PAPPA2: variants seen among roughly 807,000 people sequenced by gnomAD.
The protein encoded by PAPPA2 is pappalysin 2.
PAPPA2 carries 86 observed loss-of-function variants against 176.4 expected under a neutral mutation model. That is an observed-to-expected ratio of 0.49 (90% CI 0.41 to 0.58). The LOEUF is 0.58. Among genes scored for constraint, PAPPA2 ranks in the 20% least tolerant of loss-of-function variants. The probability of loss-of-function intolerance (pLI) is 0.00; values close to 1 mark genes in which losing one functional copy is unlikely to be tolerated. For missense variants in PAPPA2, 2,073 were observed against 2,256.9 expected (o/e 0.92, Z 1.65); for synonymous variants, 809 against 852.2 (o/e 0.95, Z 0.88).
At chr1:176,535,387 G>T (rs78423760) in intron 1 of PAPPA2, among the ~76,000 whole-genome samples, 21,767 of 152,110 alleles carry the variant, frequency 0.14, 1,770 homozygotes, top group African/African-American at 0.2. Context: ...TTGTAAGAGC[G>T]GAATTCGACA....
chr1:176,606,053 A>G (rs1167750011), intron 3 of PAPPA2, among the ~76,000 whole-genome samples: 1 of 151,694 alleles, frequency 6.6e-6, no homozygotes, highest in Non-Finnish European at 1.5e-5. Context: ...TAGTAAAATT[A>G]TATATAATAT....
chr1:176,520,371 T>C (rs1649145690), intron 1 of PAPPA2, among the ~76,000 whole-genome samples: 1 of 152,210 alleles, frequency 6.6e-6, no homozygotes, highest in African/African-American at 2.4e-5. Flanking sequence ...TTTGGAAACC[T>C]GACTTACTGG....
At chr1:176,831,498 T>G (rs1422497458) in intron 21 of PAPPA2, among the ~76,000 whole-genome samples, 2 of 152,204 alleles carry the variant, frequency 1.3e-5, no homozygotes, top group Non-Finnish European at 2.9e-5. Context: ...CTGAACACTG[T>G]CTTTCCCATT....
At chr1:176,670,313 A>G (rs1658916568) in intron 3 of PAPPA2, among the ~76,000 whole-genome samples, 1 of 152,176 alleles carries the variant, frequency 6.6e-6, no homozygotes, top group African/African-American at 2.4e-5. Context: ...TTTCAAAGTC[A>G]CCAATAAACA....
chr1:176,799,906 G>C (rs1046734684), intron 20 of PAPPA2, among the ~76,000 whole-genome samples, 155 bp from the exon 21 acceptor site: 1 of 152,154 alleles, frequency 6.6e-6, no homozygotes, highest in Admixed American at 6.5e-5. Flanking sequence ...CACGGGAAAG[G>C]CTAGATAGCC....
intron 14 of PAPPA2, among the ~76,000 whole-genome samples, chr1:176,754,235 C>T (rs1281264326): frequency 6.6e-6 from 1 of 152,048 alleles, no homozygotes; most frequent in Non-Finnish European, 1.5e-5. Context: ...CAGGTGAAAC[C>T]AGCTTAGGAA....
At chr1:176,529,452 G>T (rs1649679728) in intron 1 of PAPPA2, among the ~76,000 whole-genome samples, 1 of 144,404 alleles carries the variant, frequency 6.9e-6, no homozygotes, top group Non-Finnish European at 1.5e-5. Context: ...TGATCTCCTG[G>T]CTGCCGATTT....
chr1:176,662,822 C>G (rs1411915756), intron 3 of PAPPA2, among the ~76,000 whole-genome samples: 1 of 152,042 alleles, frequency 6.6e-6, no homozygotes, highest in Non-Finnish European at 1.5e-5. Flanking sequence ...TTTTGGAAAT[C>G]TAATTTAGTA....
At chr1:176,562,970 T>A (rs986241320) in intron 2 of PAPPA2, among the ~76,000 whole-genome samples, 3 of 152,176 alleles carry the variant, frequency 2.0e-5, no homozygotes, top group African/African-American at 7.2e-5. Context: ...CCAGGGCCCT[T>A]CATGTGTGGT....
chr1:176,467,537 A>C (rs1651681607), intron 1 of PAPPA2, among the ~76,000 whole-genome samples: 1 of 152,208 alleles, frequency 6.6e-6, no homozygotes, highest in African/African-American at 2.4e-5. Context: ...TGGGGCAAGG[A>C]AGAGAGTCTT....
At chr1:176,533,093 C>T (rs903410448) in intron 1 of PAPPA2, among the ~76,000 whole-genome samples, 10 of 152,192 alleles carry the variant, frequency 6.6e-5, no homozygotes, top group Admixed American at 2.6e-4. Context: ...CCTGTCAAAG[C>T]TTTGGTTTTC....
At chr1:176,790,809 C>T (rs894350596) in intron 18 of PAPPA2, among the ~76,000 whole-genome samples, 10 of 152,290 alleles carry the variant, frequency 6.6e-5, no homozygotes, top group Middle Eastern at 3.4e-3. Context: ...AAGAGTTACA[C>T]AAACCAGCAC....
chr1:176,633,451 A>G (rs947600369), intron 3 of PAPPA2, among the ~76,000 whole-genome samples: 4 of 152,156 alleles, frequency 2.6e-5, no homozygotes, highest in Non-Finnish European at 5.9e-5. Flanking sequence ...AAATTTGAAA[A>G]CCTGAAGAGG....
chr1:176,534,399 T>C (rs1439128580), intron 1 of PAPPA2, among the ~76,000 whole-genome samples: 1 of 152,202 alleles, frequency 6.6e-6, no homozygotes, highest in Non-Finnish European at 1.5e-5. Context: ...GATCCCTAGC[T>C]TCCCACAGCC....
chr1:176,716,654 C>T (rs1433684459), intron 12 of PAPPA2, among the ~76,000 whole-genome samples: 1 of 143,368 alleles, frequency 7.0e-6, no homozygotes. Flanking sequence ...CTCTGTCACC[C>T]AGGCTGGAGT....
At chr1:176,676,731 T>TACACAC (rs35103046) in intron 4 of PAPPA2, among the ~76,000 whole-genome samples, 2 of 149,162 alleles carry the variant, frequency 1.3e-5, no homozygotes, top group Non-Finnish European at 3.0e-5. Flanking sequence ...TGCATACAAC[T>TACACAC]ACACACACAC....
intron 4 of PAPPA2, among the ~76,000 whole-genome samples, chr1:176,671,804 C>T (rs935262308): frequency 1.3e-5 from 2 of 150,516 alleles, no homozygotes; most frequent in Admixed American, 6.7e-5. Context: ...AGTAAACTAT[C>T]GCAAGAACAA....
chr1:176,471,424 A>T (rs553157318), intron 1 of PAPPA2, among the ~76,000 whole-genome samples: 10 of 152,290 alleles, frequency 6.6e-5, no homozygotes, highest in South Asian at 2.1e-4. Context: ...AAGCCTTTTT[A>T]AAAAAATTAT....
chr1:176,820,980 A>T (rs1196227856), intron 21 of PAPPA2, among the ~76,000 whole-genome samples: 2 of 152,182 alleles, frequency 1.3e-5, no homozygotes, highest in African/African-American at 4.8e-5. Context: ...GAATTAATCC[A>T]GCTTTTTTGT....
Sources: gnomAD v4.1 joint callset for allele counts (sites outside exome capture counted in the v4.1 genomes callset) on GRCh38, gnomAD v4.1.1 for gene constraint, MANE v1.5 for transcripts, NCBI Gene and HGNC (gene_info 2026-07-23, HGNC 2026-07-21) for gene names.